GPT2: variants seen among roughly 807,000 people sequenced by gnomAD.
The protein encoded by GPT2 is alanine aminotransferase 2.
GPT2 carries 30 observed loss-of-function variants against 56.9 expected under a neutral mutation model. The observed-to-expected ratio is 0.53, with a 90% confidence interval of 0.39 to 0.72. The LOEUF (loss-of-function observed/expected upper bound fraction) is 0.72, where lower values mean the gene tolerates loss of function less well. Ranked by LOEUF, GPT2 falls within the 30% of genes least tolerant of loss-of-function variation. The probability of loss-of-function intolerance (pLI) is 0.00; values close to 1 mark genes in which losing one functional copy is unlikely to be tolerated. For missense variants in GPT2, 542 were observed against 703.4 expected, an observed-to-expected ratio of 0.77 and a Z score of 2.60; for synonymous variants, 271 against 283.1, an observed-to-expected ratio of 0.96 and a Z score of 0.43.
intron 6 of GPT2, among the ~76,000 whole-genome samples, chr16:46,913,561 C>T (rs1046522855): frequency 1.3e-5 from 2 of 152,074 alleles, no homozygotes; most frequent in Non-Finnish European, 1.5e-5. Flanking sequence ...AAAGTTGGTC[C>T]GTTAGTAAAG....
chr16:46,919,360 G>A (rs1197287023), intron 8 of GPT2, among the ~76,000 whole-genome samples: 1 of 152,248 alleles, frequency 6.6e-6, no homozygotes, highest in Non-Finnish European at 1.5e-5. Flanking sequence ...ACAGTCATTA[G>A]GAGAGAGGTA....
At chr16:46,904,531 G>A (rs1418367773) in intron 4 of GPT2, among the ~76,000 whole-genome samples, 5 of 152,230 alleles carry the variant, frequency 3.3e-5, no homozygotes, top group Admixed American at 3.3e-4. Flanking sequence ...AGCCTAGAAG[G>A]ATCAGTGTGG....
At chr16:46,906,793 T>C (rs372504147) in intron 4 of GPT2, 49 bp from the exon 5 acceptor site, 93 of 1,606,584 alleles carry the variant, frequency 5.8e-5, no homozygotes, top group Non-Finnish European at 7.4e-5. Context: ...ATTGACCCTG[T>C]GGAGCCAGAC....
rs1350645266 is a variant in GPT2 at position 46,928,888 on chromosome 16, CTG to C, written c.1482-17_1482-16del. 3 of 1,594,600 alleles carry C rather than the reference CTG, an allele frequency of 1.9e-6. No homozygotes were observed. The highest frequency in any genetic ancestry group is 1.3e-5 in the African/African-American group (1 of 74,474). On this transcript the variant is annotated splice_polypyrimidine_tract_variant and intron_variant, in intron 11 of 11. Transcript: ENST00000340124. Reference sequence around the variant, plus strand: ...ATCTTGCAGAGCAGCCAGGCTGACACTGTTGTCTCTCCTGCCAGGATGACTAT... The same window carrying C: ...ATCTTGCAGAGCAGCCAGGCTGACACTTGTCTCTCCTGCCAGGATGACTAT...
rs72812444 is a variant in GPT2 at position 46,909,833 on chromosome 16, G to A, written c.726G>A (p.Ala242=). The change falls in exon 6 of 12, where the codon GCG becomes GCA. Residue 242 remains alanine (A), a synonymous_variant. Coordinates refer to ENST00000340124, the MANE Select transcript of GPT2 (RefSeq NM_133443.4). ...ACCTGGACGAGGAGAACTGCTGGGC[G>A]CTGAATGTGAATGAGCTCCGGCGGG... The part of the protein sequence containing the change: ...NYYLDEENCW[A]LNVNELRRAV... The A allele has an allele frequency of 4.8e-3, 7,828 of 1,614,166 alleles. 216 individuals are homozygous for A. In the South Asian group the frequency reaches 0.058, roughly 12 times the overall value.
intron 4 of GPT2, 120 bp downstream of exon 4, chr16:46,900,910 C>T: frequency 1.4e-6 from 1 of 725,856 alleles, no homozygotes; most frequent in Non-Finnish European, 2.3e-6. Flanking sequence ...GGGTGGCTGA[C>T]AGCACACAGA....
At chr16:46,907,457 G>A (rs1960954110) in intron 5 of GPT2, among the ~76,000 whole-genome samples, 1 of 152,226 alleles carries the variant, frequency 6.6e-6, no homozygotes. Context: ...CTCCGACCTG[G>A]TGGAGCGGGG....
chr16:46,892,021 T>C (rs1346040920), intron 2 of GPT2, among the ~76,000 whole-genome samples: 1 of 151,510 alleles, frequency 6.6e-6, no homozygotes, highest in African/African-American at 2.4e-5. Context: ...ACTTGCAAAA[T>C]GTGTCATCTT....
chr16:46,898,998 C>T (rs1372873868), intron 3 of GPT2, among the ~76,000 whole-genome samples: 138 of 124,338 alleles, frequency 1.1e-3, no homozygotes, highest in African/African-American at 4.6e-3. Context: ...ATATAACACA[C>T]ATATATATAT....
rs1054957156 is a variant in GPT2 at position 46,924,601 on chromosome 16, T to G, written c.1368+57T>G. ...TACCAGGTTCACCTGAGATGCTGGG[T>G]TGGGGGCCCCTGCTTATCTTGGGGA... On this transcript the variant is annotated intron_variant, in intron 10 of 11. Coordinates refer to ENST00000340124, the MANE Select transcript of GPT2 (RefSeq NM_133443.4). The G allele has an allele frequency of 1.9e-6, 3 of 1,593,244 alleles. No homozygotes were observed. In the East Asian group the frequency reaches 6.7e-5, roughly 36 times the overall value.
chr16:46,885,305 G>A (rs1342312614), intron 2 of GPT2: 9 of 954,416 alleles, frequency 9.4e-6, no homozygotes, highest in African/African-American at 7.1e-5. Context: ...AAGCAATAGA[G>A]TCTCAGTGAT....
At chr16:46,902,101 A>G (rs1478300447) in intron 4 of GPT2, among the ~76,000 whole-genome samples, 1 of 152,230 alleles carries the variant, frequency 6.6e-6, no homozygotes, top group Non-Finnish European at 1.5e-5. Flanking sequence ...TCTGGGGACC[A>G]GGTACGGATT....
chr16:46,922,720 ATGAAAC>A (rs1181381930), intron 9 of GPT2, among the ~76,000 whole-genome samples: 1 of 152,158 alleles, frequency 6.6e-6, no homozygotes, highest in African/African-American at 2.4e-5. Context: ...GGGGGGACTC[ATGAAAC>A]TGAAAAGAAG....
At chr16:46,922,199 C>T in intron 8 of GPT2, 43 bp from the exon 9 acceptor site, 1 of 1,594,770 alleles carries the variant, frequency 6.3e-7, no homozygotes, top group East Asian at 2.2e-5. Context: ...TTGTTGAGGT[C>T]TTTCTATAAC....
At chr16:46,889,720 C>T (rs1448512460) in intron 2 of GPT2, among the ~76,000 whole-genome samples, 2 of 152,178 alleles carry the variant, frequency 1.3e-5, no homozygotes, top group African/African-American at 4.8e-5. Flanking sequence ...AAAATGTGAC[C>T]AGTTTATTTC....
At position 46,906,932 on chromosome 16, in the gene GPT2, C is replaced by G. The variant is rs1478285402; in HGVS notation, c.533C>G (p.Pro178Arg). ...TRRDGGVPAD[P>R]DNIYLTTGAS... ...AGGGATGGCGGTGTGCCTGCGGACC[C>G]CGACAACATCTACCTGACCACGGGA... Residue 178 changes from proline to arginine, a missense_variant, in exon 5 of 12, where the codon CCC becomes CGC. Physicochemically the swap from Pro to Arg is moderately radical, Grantham distance 103 (BLOSUM62 -2). Transcript: ENST00000340124. The G allele has an allele frequency of 6.2e-7, 1 of 1,614,098 alleles. No homozygotes were observed. Among genetic ancestry groups the G allele is most frequent in the African/African-American group, 1.3e-5 (1 of 74,924 alleles).
At chr16:46,885,038 C>G (rs1960457539) in intron 2 of GPT2, 80 bp downstream of exon 2, 3 of 1,383,040 alleles carry the variant, frequency 2.2e-6, no homozygotes, top group Non-Finnish European at 1.9e-6. Flanking sequence ...GGGGTCCTTC[C>G]CACGACGTCC....
chr16:46,904,264 G>A (rs969877832), intron 4 of GPT2, among the ~76,000 whole-genome samples: 1 of 152,144 alleles, frequency 6.6e-6, no homozygotes, highest in African/African-American at 2.4e-5. Flanking sequence ...ATAACTGGAG[G>A]GGCCAGCACA....
At chr16:46,891,947 C>A (rs1391254929) in intron 2 of GPT2, among the ~76,000 whole-genome samples, 1 of 151,738 alleles carries the variant, frequency 6.6e-6, no homozygotes. Context: ...GGGAACCATC[C>A]TTCTATGCTC....
Sources: gnomAD v4.1 joint callset for allele counts (sites outside exome capture counted in the v4.1 genomes callset) on GRCh38, gnomAD v4.1.1 for gene constraint, MANE v1.5 for transcripts, NCBI Gene and HGNC (gene_info 2026-07-23, HGNC 2026-07-21) for gene names.